The following DPP6 variants were observed in gnomAD, a reference collection of about 807,000 sequenced individuals.
DPP6 encodes the protein dipeptidyl peptidase like 6.
In DPP6, 69 loss-of-function variants were observed where a neutral mutation model predicts 122.6. The observed-to-expected ratio is 0.56, with a 90% confidence interval of 0.46 to 0.69. The LOEUF is 0.69. Among genes scored for constraint, DPP6 ranks in the 30% least tolerant of loss-of-function variants. The pLI, the probability that DPP6 is intolerant of heterozygous loss-of-function variation, is 0.00. For missense variants in DPP6, 928 were observed against 1,116.9 expected, an observed-to-expected ratio of 0.83 and a Z score of 2.41; for synonymous variants, 418 against 433.1, an observed-to-expected ratio of 0.97 and a Z score of 0.43.
chr7:154,468,365 T>A (rs925463570), intron 2 of DPP6, among the ~76,000 whole-genome samples: 1 of 152,196 alleles, frequency 6.6e-6, no homozygotes. Flanking sequence ...TTGGGGGTAA[T>A]AAAAATGTTC....
At position 154,382,607 on chromosome 7, in the gene DPP6, C is replaced by T. The variant is rs111570618; in HGVS notation, c.244-63607C>T. Among the ~76,000 whole-genome samples, 813 of 152,370 alleles carry T rather than the reference C, an allele frequency of 5.3e-3. 31 individuals are homozygous for T. Among genetic ancestry groups the T allele is most frequent in the Admixed American group, 0.043 (651 of 15,308 alleles). On this transcript the variant is annotated intron_variant, in intron 1 of 25. Transcript: ENST00000377770. ...ACTCTGTGCTGCGCTCAGCGCTCAG[C>T]GCTCTTCATGTGTTTTTTCTCCTTT...
intron 1 of DPP6, among the ~76,000 whole-genome samples, chr7:154,237,949 G>T (rs911304124): frequency 1.3e-5 from 2 of 152,210 alleles, no homozygotes; most frequent in Non-Finnish European, 2.9e-5. Flanking sequence ...AGAATGAGAT[G>T]TCTGAGGACA....
chr7:154,692,061 A>G (rs59974556), intron 7 of DPP6, among the ~76,000 whole-genome samples: 1 of 152,054 alleles, frequency 6.6e-6, no homozygotes, highest in East Asian at 1.9e-4. Flanking sequence ...GGGCAAAAAG[A>G]CCTCCCAGGG....
intron 1 of DPP6, among the ~76,000 whole-genome samples, chr7:153,961,932 A>G (rs1172800226): frequency 6.7e-6 from 1 of 149,140 alleles, no homozygotes; most frequent in Non-Finnish European, 1.5e-5. Flanking sequence ...GCCATCATTC[A>G]TGGCTCAAGT....
chr7:154,147,116 T>C (rs1392071010), intron 1 of DPP6, among the ~76,000 whole-genome samples: 2 of 152,208 alleles, frequency 1.3e-5, no homozygotes, highest in Non-Finnish European at 2.9e-5. Flanking sequence ...GCCAGAACAT[T>C]GTACTCTGCT....
At chr7:154,803,572 C>G (rs985165496) in intron 13 of DPP6, among the ~76,000 whole-genome samples, 2 of 152,214 alleles carry the variant, frequency 1.3e-5, no homozygotes, top group African/African-American at 4.8e-5. Flanking sequence ...TGAGATGCTT[C>G]CATCATGGTT....
chr7:154,218,224 T>G (rs1800112144), intron 1 of DPP6, among the ~76,000 whole-genome samples: 1 of 152,112 alleles, frequency 6.6e-6, no homozygotes, highest in South Asian at 2.1e-4. Flanking sequence ...GTAGGAGAGA[T>G]GCAGGAAGTG....
At chr7:154,572,675 C>T (rs1303652737) in intron 5 of DPP6, among the ~76,000 whole-genome samples, 1 of 136,798 alleles carries the variant, frequency 7.3e-6, no homozygotes, top group African/African-American at 2.8e-5. Context: ...CGCCACCACA[C>T]ATGGCTAATT....
chr7:153,846,052 T>C, the DPP6 span, among the ~76,000 whole-genome samples: 1 of 152,206 alleles, frequency 6.6e-6, no homozygotes, highest in African/African-American at 2.4e-5. Flanking sequence ...CTTTATGACA[T>C]AATACCTAAC....
intron 1 of DPP6, among the ~76,000 whole-genome samples, chr7:154,023,318 G>GCACGCGCGCGCACACA (rs373378162): frequency 7.7e-6 from 1 of 129,528 alleles, no homozygotes; most frequent in African/African-American, 3.2e-5. Context: ...TTTCTTGTCT[G>GCACGCGCGCGCACACA]CACACACACA....
intron 1 of DPP6, among the ~76,000 whole-genome samples, chr7:154,229,094 G>A (rs1233871777): frequency 6.6e-6 from 1 of 152,076 alleles, no homozygotes; most frequent in Non-Finnish European, 1.5e-5. Context: ...TTCTGCTAAA[G>A]CTTTGGCTCT....
chr7:154,281,755 C>T (rs542902949), intron 1 of DPP6, among the ~76,000 whole-genome samples: 25 of 152,270 alleles, frequency 1.6e-4, no homozygotes, highest in South Asian at 4.1e-4. Flanking sequence ...GCCACGCAGA[C>T]GGATTTCAGC....
chr7:154,315,193 C>T (rs1807329925), intron 1 of DPP6, among the ~76,000 whole-genome samples: 1 of 152,166 alleles, frequency 6.6e-6, no homozygotes, highest in Non-Finnish European at 1.5e-5. Context: ...AATTTTCAAT[C>T]TCATCTTACA....
chr7:154,072,186 A>G (rs1803166180), intron 1 of DPP6, among the ~76,000 whole-genome samples: 1 of 152,286 alleles, frequency 6.6e-6, no homozygotes, highest in African/African-American at 2.4e-5. Flanking sequence ...GAAAACTGGC[A>G]AGATGGAAGA....
At chr7:154,138,831 C>T (rs1795706193) in intron 1 of DPP6, among the ~76,000 whole-genome samples, 1 of 152,028 alleles carries the variant, frequency 6.6e-6, no homozygotes, top group African/African-American at 2.4e-5. Context: ...ACACAAAGAA[C>T]ATTCAGGCCA....
intron 17 of DPP6, chr7:154,858,429 A>T (rs2150590807): frequency 6.6e-6 from 1 of 152,420 alleles, no homozygotes; most frequent in African/African-American, 2.4e-5. Context: ...GCCTGCCCTC[A>T]TGCGGTCTGA....
chr7:154,330,163 C>T lies in DPP6; in HGVS notation c.244-116051C>T, dbSNP rs140009507. On this transcript the variant is annotated intron_variant, in intron 1 of 25. Coordinates refer to ENST00000377770, the MANE Select transcript of DPP6 (RefSeq NM_130797.4). ...TGTATACCTATGTAACAAACCTGCACGTTGTGCACATGTATCCCAGAACTT... is the reference window on the plus strand; with the variant it reads ...TGTATACCTATGTAACAAACCTGCATGTTGTGCACATGTATCCCAGAACTT... Among the ~76,000 whole-genome samples, 75 of 152,294 alleles carry T rather than the reference C, an allele frequency of 4.9e-4. No homozygotes were observed. The East Asian group carries it at 7.1e-3, about 14-fold the overall frequency.
At chr7:154,690,428 T>C (rs962465384) in intron 7 of DPP6, among the ~76,000 whole-genome samples, 3 of 152,030 alleles carry the variant, frequency 2.0e-5, no homozygotes, top group African/African-American at 4.8e-5. Context: ...AGATCTGACT[T>C]TGTAGAAAGC....
chr7:154,750,295 G>A (rs576214475), intron 8 of DPP6, among the ~76,000 whole-genome samples: 19 of 152,302 alleles, frequency 1.2e-4, no homozygotes, highest in Admixed American at 1.2e-3. Context: ...CTATTGAAGT[G>A]TAGACATGAT....
Sources: allele counts gnomAD v4.1 joint callset (sites outside exome capture counted in the v4.1 genomes callset), GRCh38; gene constraint gnomAD v4.1.1; transcripts MANE v1.5; gene names NCBI Gene and HGNC (gene_info 2026-07-23, HGNC 2026-07-21).